Variants in TENM4 observed in about 807,000 individuals in gnomAD.
TENM4 encodes the protein teneurin transmembrane protein 4.
TENM4 carries 82 observed loss-of-function variants against 243.3 expected under a neutral mutation model. That is an observed-to-expected ratio of 0.34 (90% CI 0.28 to 0.40). The LOEUF (loss-of-function observed/expected upper bound fraction) is 0.40. Ranked by LOEUF, TENM4 falls within the 10% of genes least tolerant of loss-of-function variation. TENM4 has a pLI of 1.00. For synonymous variants in TENM4, 1,412 were observed against 1,456.3 expected, an observed-to-expected ratio of 0.97 and a Z score of 0.69; for missense variants, 3,138 against 3,673.3, an observed-to-expected ratio of 0.85 and a Z score of 3.77.
At chr11:78,660,281 C>T (rs1857996965) in intron 33 of TENM4, among the ~76,000 whole-genome samples, 4 of 152,190 alleles carry the variant, frequency 2.6e-5, no homozygotes, top group African/African-American at 2.4e-5. Context: ...CCCTGGTCCC[C>T]TCACCTGTAA....
chr11:79,013,644 C>T (rs1171578407), intron 6 of TENM4, among the ~76,000 whole-genome samples: 1 of 152,182 alleles, frequency 6.6e-6, no homozygotes, highest in African/African-American at 2.4e-5. Flanking sequence ...GATTCCAAGG[C>T]CAAATCAGGC....
In TENM4 at chr11:79,367,859, C is replaced by A. The variant is rs74997732; in HGVS notation, c.-320-70316G>T. 6.4e-3 allele frequency among the ~76,000 whole-genome samples: 974 copies of A among 152,296 alleles called. 8 individuals carry two copies. Among genetic ancestry groups the A allele is most frequent in the South Asian group, 0.018 (88 of 4,824 alleles). Reference sequence around the variant, plus strand: ...ACAATTTGCAAAGTTATTGATCTTTCTTTTGGCAGGGTGGTGGGGTCTTTT... The same window carrying A: ...ACAATTTGCAAAGTTATTGATCTTTATTTTGGCAGGGTGGTGGGGTCTTTT... On this transcript the variant is annotated intron_variant, in intron 1 of 33. Coordinates refer to ENST00000278550, the MANE Select transcript of TENM4 (RefSeq NM_001098816.3).
chr11:79,148,668 A>T, intron 4 of TENM4, 42 bp downstream of exon 4: 2 of 664,732 alleles, frequency 3.0e-6, no homozygotes, highest in Non-Finnish European at 3.7e-6. Flanking sequence ...ACATTAACTT[A>T]AATCATGAAT....
At chr11:79,277,953 C>T (rs1330602700) in intron 2 of TENM4, among the ~76,000 whole-genome samples, 1 of 152,150 alleles carries the variant, frequency 6.6e-6, no homozygotes, top group Admixed American at 6.5e-5. Flanking sequence ...AAGCAGCCTT[C>T]CTGCTGAGAA....
chr11:79,063,681 G>T (rs59312385), intron 6 of TENM4, among the ~76,000 whole-genome samples: 1 of 152,184 alleles, frequency 6.6e-6, no homozygotes, highest in African/African-American at 2.4e-5. Context: ...GCAGGACCAC[G>T]TTCGACTCAG....
At position 79,042,694 on chromosome 11, in the gene TENM4, TCAGGCCA is replaced by T. The variant is rs1859567552; in HGVS notation, c.493+22037_493+22043del. ...GATTAAGACATGCCCCAGTCAAAATTCAGGCCACAGACCTGTCCATTTCCTTTCCCCC... is the reference window on the plus strand; with the variant it reads ...GATTAAGACATGCCCCAGTCAAAATTCAGACCTGTCCATTTCCTTTCCCCC... On this transcript the variant is annotated intron_variant, in intron 6 of 33. Transcript: ENST00000278550. Among the ~76,000 whole-genome samples the T allele has an allele frequency of 2.0e-5, 3 of 152,186 alleles. No individual in the cohort carries two copies. The South Asian group carries it at 6.2e-4, about 32-fold the overall frequency.
chr11:79,157,013 T>A (rs1214150664), intron 3 of TENM4, among the ~76,000 whole-genome samples: 3 of 152,040 alleles, frequency 2.0e-5, no homozygotes, highest in Non-Finnish European at 2.9e-5. Context: ...GGATGCTCAG[T>A]GAATGTTTGC....
At chr11:79,345,708 C>G (rs969097568) in intron 1 of TENM4, among the ~76,000 whole-genome samples, 7 of 152,184 alleles carry the variant, frequency 4.6e-5, no homozygotes, top group African/African-American at 1.7e-4. Flanking sequence ...AAACTATAAC[C>G]TACTTCATAC....
chr11:78,664,315 G>C (rs1257397575), intron 32 of TENM4, among the ~76,000 whole-genome samples: 40 of 152,032 alleles, frequency 2.6e-4, no homozygotes, highest in Admixed American at 2.6e-3. Flanking sequence ...ACCCAGGCTG[G>C]AGTTGAGTGG....
chr11:78,699,634 G>A (rs147783544), intron 28 of TENM4, among the ~76,000 whole-genome samples: 40 of 152,272 alleles, frequency 2.6e-4, no homozygotes, highest in African/African-American at 7.5e-4. Flanking sequence ...AATTCCAGAC[G>A]CCATTTTATA....
chr11:79,041,997 C>T (rs953011623), intron 6 of TENM4, among the ~76,000 whole-genome samples: 1 of 152,170 alleles, frequency 6.6e-6, no homozygotes, highest in Admixed American at 6.5e-5. Context: ...GGAAGGTGAT[C>T]AGCAGGAAAT....
chr11:78,875,576 G>GC (rs539831412), intron 9 of TENM4, among the ~76,000 whole-genome samples: 60 of 152,204 alleles, frequency 3.9e-4, no homozygotes, highest in Admixed American at 7.8e-4. Flanking sequence ...TTCCCTAAAT[G>GC]CCCCCCAGCA....
intron 4 of TENM4, among the ~76,000 whole-genome samples, chr11:79,143,635 C>T (rs1250365347): frequency 6.6e-6 from 1 of 151,274 alleles, no homozygotes; most frequent in East Asian, 1.9e-4. Context: ...ATGTAACAAA[C>T]CTGCATGTTG....
intron 12 of TENM4, among the ~76,000 whole-genome samples, chr11:78,849,214 T>C (rs1858475235): frequency 6.6e-6 from 1 of 152,254 alleles, no homozygotes; most frequent in Non-Finnish European, 1.5e-5. Context: ...AAGCAATGCA[T>C]ACAAAGGTAT....
chr11:78,782,798 C>T (rs540271886), intron 16 of TENM4, among the ~76,000 whole-genome samples: 47 of 150,634 alleles, frequency 3.1e-4, no homozygotes, highest in Non-Finnish European at 5.3e-4. Context: ...GGACAAAGCA[C>T]GGAAGATTTT....
intron 6 of TENM4, among the ~76,000 whole-genome samples, chr11:78,999,555 TAAAC>T (rs1308322393): frequency 6.6e-6 from 1 of 151,726 alleles, no homozygotes; most frequent in African/African-American, 2.4e-5. Flanking sequence ...CCACCAAAGA[TAAAC>T]AATAAATAAA....
chr11:78,692,203 TTTTC>T (rs955477885), intron 28 of TENM4, among the ~76,000 whole-genome samples: 1 of 152,154 alleles, frequency 6.6e-6, no homozygotes, highest in African/African-American at 2.4e-5. Context: ...TACTGGCAAA[TTTTC>T]TTTCTTTCTA....
chr11:79,192,094 G>T (rs533161775), intron 3 of TENM4, among the ~76,000 whole-genome samples: 1 of 149,796 alleles, frequency 6.7e-6, no homozygotes, highest in Non-Finnish European at 1.5e-5. Flanking sequence ...AGGGAGGTGG[G>T]GGGGGGTCAG....
intron 12 of TENM4, among the ~76,000 whole-genome samples, chr11:78,836,263 TC>T (rs1173069444): frequency 6.6e-6 from 1 of 152,192 alleles, no homozygotes; most frequent in Non-Finnish European, 1.5e-5. Context: ...GGCAGGAGAC[TC>T]GCTTGAATGC....
Sources: gnomAD v4.1 joint callset for allele counts (sites outside exome capture counted in the v4.1 genomes callset) on GRCh38, gnomAD v4.1.1 for gene constraint, MANE v1.5 for transcripts, NCBI Gene and HGNC (gene_info 2026-07-23, HGNC 2026-07-21) for gene names.